The following LRCH1 variants were observed in gnomAD, a reference collection of about 807,000 sequenced individuals.
LRCH1 encodes the protein leucine-rich repeat and calponin homology domain-containing protein 1.
Under a neutral mutation model 94.9 loss-of-function variants are expected in LRCH1, and 23 were observed. That is an observed-to-expected ratio of 0.24 (90% confidence interval 0.17 to 0.34). The LOEUF is 0.34. Among genes scored for constraint, LRCH1 ranks in the 10% least tolerant of loss-of-function variants. LRCH1 has a pLI of 1.00. For missense variants in LRCH1, 790 were observed against 945.9 expected (o/e 0.84, Z 2.16); for synonymous variants, 364 against 354.9 (o/e 1.03, Z -0.29).
chr13:46,587,523 A>G (rs2050448897), intron 1 of LRCH1, among the ~76,000 whole-genome samples: 1 of 152,212 alleles, frequency 6.6e-6, no homozygotes, highest in South Asian at 2.1e-4. Context: ...CTGGAACATA[A>G]TTGTGGATGC....
intron 13 of LRCH1, among the ~76,000 whole-genome samples, chr13:46,706,268 T>C (rs115792927): frequency 2.6e-3 from 396 of 152,344 alleles, no homozygotes; most frequent in African/African-American, 9.1e-3. Flanking sequence ...ATTACTGTAA[T>C]TGGGATCATA....
chr13:46,698,956 GT>G, intron 9 of LRCH1, among the ~76,000 whole-genome samples: 1 of 152,096 alleles, frequency 6.6e-6, no homozygotes, highest in Non-Finnish European at 1.5e-5. Context: ...CAACTCCCTC[GT>G]TCCTTCCCGG....
At chr13:46,646,699 A>G (rs2138072308) in intron 1 of LRCH1, among the ~76,000 whole-genome samples, 1 of 152,330 alleles carries the variant, frequency 6.6e-6, no homozygotes, top group South Asian at 2.1e-4. Flanking sequence ...ATCACACAAA[A>G]TAGAATTAAC....
chr13:46,692,736 T>C, intron 8 of LRCH1, 95 bp downstream of exon 8: 1 of 888,970 alleles, frequency 1.1e-6, no homozygotes, highest in Non-Finnish European at 1.8e-6. Context: ...TGATAATCTT[T>C]CTAGAGTATG....
intron 11 of LRCH1, 65 bp downstream of exon 11, chr13:46,701,272 T>G: frequency 1.7e-6 from 2 of 1,189,854 alleles, no homozygotes; most frequent in Non-Finnish European, 2.5e-6. Flanking sequence ...TGGAGTACAT[T>G]GTCTAAATTC....
intron 2 of LRCH1, among the ~76,000 whole-genome samples, chr13:46,667,220 C>T (rs61949309): frequency 6.6e-6 from 1 of 152,028 alleles, no homozygotes; most frequent in East Asian, 1.9e-4. Context: ...TAATTGAGTG[C>T]CCTGGAGCAG....
At chr13:46,558,013 C>T (rs1180480626) in intron 1 of LRCH1, among the ~76,000 whole-genome samples, 3 of 151,954 alleles carry the variant, frequency 2.0e-5, no homozygotes, top group Admixed American at 6.6e-5. Flanking sequence ...CTCCAGCCTA[C>T]GTGACAGAGT....
At chr13:46,661,629 T>C (rs1287716972) in intron 2 of LRCH1, among the ~76,000 whole-genome samples, 1 of 152,248 alleles carries the variant, frequency 6.6e-6, no homozygotes, top group Non-Finnish European at 1.5e-5. Context: ...TGTCAAGTTA[T>C]ACAATAGAAG....
chr13:46,713,438 AG>A (rs1169484155), intron 15 of LRCH1, among the ~76,000 whole-genome samples: 1 of 152,244 alleles, frequency 6.6e-6, no homozygotes, highest in African/African-American at 2.4e-5. Flanking sequence ...ACAACAGTAG[AG>A]GTTATACATG....
rs1024317733 is a variant in LRCH1 at position 46,556,569 on chromosome 13, C to G, written c.307+2866C>G. Among the ~76,000 whole-genome samples the G allele has an allele frequency of 2.0e-5, 3 of 152,120 alleles. No homozygotes were observed. In the South Asian group the frequency reaches 6.2e-4, roughly 32 times the overall value. On this transcript the variant is annotated intron_variant, in intron 1 of 19. Coordinates refer to ENST00000389797, the MANE Select transcript of LRCH1 (RefSeq NM_001164211.2). ...AGAGCCACTATCAGCACTGGGTGCG[C>G]CTCTCTATGCGTTATCTGCATGATC... is the stretch of plus-strand genomic sequence containing the variant.
chr13:46,723,960 T>G (rs555693474), intron 17 of LRCH1, among the ~76,000 whole-genome samples: 8 of 152,254 alleles, frequency 5.3e-5, no homozygotes, highest in African/African-American at 1.9e-4. Flanking sequence ...TACTTAATAA[T>G]ATTAAATTAA....
At chr13:46,653,035 G>T (rs2051326773) in intron 2 of LRCH1, among the ~76,000 whole-genome samples, 1 of 152,200 alleles carries the variant, frequency 6.6e-6, no homozygotes. Context: ...GTATGGATCT[G>T]AGGATGTTTT....
chr13:46,721,290 C>T (rs1219181861), intron 16 of LRCH1, among the ~76,000 whole-genome samples: 1 of 152,144 alleles, frequency 6.6e-6, no homozygotes, highest in African/African-American at 2.4e-5. Flanking sequence ...AGGAAAGTAA[C>T]AGCTCCAAAG....
intron 1 of LRCH1, among the ~76,000 whole-genome samples, chr13:46,601,568 T>G (rs921224547): frequency 2.6e-5 from 4 of 152,206 alleles, no homozygotes; most frequent in Non-Finnish European, 5.9e-5. Context: ...CCTCTTGTAA[T>G]CTGAATTTTT....
intron 1 of LRCH1, among the ~76,000 whole-genome samples, chr13:46,605,909 G>T (rs186775016): frequency 4.6e-5 from 7 of 152,154 alleles, no homozygotes; most frequent in African/African-American, 1.2e-4. Flanking sequence ...GAGCTGGAAG[G>T]CTTCTTAGAT....
intron 1 of LRCH1, among the ~76,000 whole-genome samples, chr13:46,600,435 A>G (rs2050614803): frequency 6.6e-6 from 1 of 152,238 alleles, no homozygotes; most frequent in South Asian, 2.1e-4. Flanking sequence ...CTAAGGAAGT[A>G]TTTATTTTTA....
intron 13 of LRCH1, among the ~76,000 whole-genome samples, chr13:46,709,912 G>A (rs1006132502): frequency 6.6e-6 from 1 of 152,164 alleles, no homozygotes; most frequent in African/African-American, 2.4e-5. Context: ...AATTCACAGG[G>A]CCAGTGATAA....
chr13:46,711,989 C>A, intron 14 of LRCH1, 145 bp downstream of exon 14: 1 of 580,220 alleles, frequency 1.7e-6, no homozygotes, highest in Non-Finnish European at 3.0e-6. Context: ...CATTAGCTAT[C>A]ATAGCTTTAT....
At chr13:46,734,064 A>C in intron 19 of LRCH1, 66 bp downstream of exon 19, 1 of 814,114 alleles carries the variant, frequency 1.2e-6, no homozygotes, top group Admixed American at 2.5e-5. Flanking sequence ...ATGAGTTTGA[A>C]CCATTGAATC....
Sources: gnomAD v4.1 joint callset for allele counts (sites outside exome capture counted in the v4.1 genomes callset) on GRCh38, gnomAD v4.1.1 for gene constraint, MANE v1.5 for transcripts, NCBI Gene and HGNC (gene_info 2026-07-23, HGNC 2026-07-21) for gene names.